Variants in IL4R observed in about 807,000 individuals in gnomAD.
IL4R encodes interleukin-4 receptor subunit alpha.
Under a neutral mutation model 41.5 loss-of-function variants are expected in IL4R, and 17 were observed. The observed-to-expected ratio is 0.41, with a 90% CI of 0.28 to 0.61. The LOEUF (loss-of-function observed/expected upper bound fraction) is 0.61, where lower values mean the gene tolerates loss of function less well. Among genes scored for constraint, IL4R ranks in the 20% least tolerant of loss-of-function variants. IL4R has a pLI of 0.31. For missense variants in IL4R, 974 were observed against 1,043.1 expected (o/e 0.93, Z 0.91); for synonymous variants, 402 against 422.9 (o/e 0.95, Z 0.61).
intron 8 of IL4R, among the ~76,000 whole-genome samples, chr16:27,356,974 T>A (rs2086102218): frequency 6.6e-6 from 1 of 152,100 alleles, no homozygotes; most frequent in Non-Finnish European, 1.5e-5. Flanking sequence ...GGAATCATGG[T>A]GTCTCAGAGC....
chr16:27,346,603 A>C lies in IL4R; in HGVS notation c.498A>C (p.Glu166Asp). The C allele has an allele frequency of 1.2e-6, 2 of 1,614,150 alleles. No individual in the cohort carries two copies. The highest frequency in any genetic ancestry group is 1.7e-6 in the Non-Finnish European group (2 of 1,180,030). The change falls in exon 6 of 11, where the codon GAA becomes GAC. Residue 166 changes from glutamate to aspartate, a missense_variant. Coordinates refer to ENST00000395762, the MANE Select transcript of IL4R (RefSeq NM_000418.4). ...CCTATGCAGTCAACATTTGGAGTGA[A>C]AACGACCCGGCAGATGTGAGTGGGC... ...HLTYAVNIWSENDPADFRIYN... is the reference protein window; with the variant it reads ...HLTYAVNIWSDNDPADFRIYN...
intron 9 of IL4R, 121 bp from the exon 10 acceptor site, chr16:27,360,645 T>G: frequency 8.6e-6 from 10 of 1,156,228 alleles, no homozygotes; most frequent in Non-Finnish European, 1.2e-5. Context: ...AAAGCGTAAG[T>G]GACCTGTTGG....
intron 1 of IL4R, among the ~76,000 whole-genome samples, chr16:27,328,205 C>CAAAAAA (rs779355998): frequency 4.3e-5 from 3 of 70,506 alleles, no homozygotes; most frequent in Admixed American, 3.6e-4. Flanking sequence ...GGCTCCATCT[C>CAAAAAA]AAAAAAAAAA....
At chr16:27,351,909 T>C (rs3024604) in intron 6 of IL4R, among the ~76,000 whole-genome samples, 12,218 of 152,272 alleles carry the variant, frequency 0.08, 566 homozygotes, top group Middle Eastern at 0.12. Context: ...TACTTAACAA[T>C]AGATCTTGGA....
At position 27,345,163 on chromosome 16, in the gene IL4R, C is replaced by A; in HGVS notation, c.361+143C>A. On this transcript the variant is annotated intron_variant, in intron 5 of 10. Coordinates refer to ENST00000395762, the MANE Select transcript of IL4R (RefSeq NM_000418.4). The surrounding 1 kb of genome is among the most constrained non-coding windows in gnomAD (Gnocchi z 4.5). ...GTATTTTCCCAAATCTGATGGGATT[C>A]CTGCCCCTGCCTGGGCCTCAGTCCT... is the stretch of plus-strand genomic sequence containing the variant. The A allele has an allele frequency of 1.1e-6, 1 of 896,792 alleles. No homozygotes were observed. The highest frequency in any genetic ancestry group is 1.8e-6 in the Non-Finnish European group (1 of 563,736). The allele number at this position is 896,792 out of a possible 1,614,324, so 55.6% of individuals were successfully genotyped here.
In IL4R at chr16:27,341,327, G is replaced by A. The variant is rs1424442072; in HGVS notation, c.71-794G>A. The A allele has an allele frequency of 1.2e-5, 7 of 604,378 alleles. No individual in the cohort carries two copies. The Admixed American group carries it at 2.0e-4, about 17-fold the overall frequency. The allele number at this position is 604,378 out of a possible 1,614,324, so 37.4% of individuals were successfully genotyped here. A position where few individuals can be genotyped will look rare whatever the true frequency, so the allele number is the denominator to read the frequency against. On this transcript the variant is annotated intron_variant, in intron 3 of 10. Transcript: ENST00000395762. ...CCAGAAGAGAAGGTACTTTGGGGAG[G>A]GGCGGGAATCAGGAGTTAGTTTTGG... is the stretch of plus-strand genomic sequence containing the variant.
chr16:27,324,034 G>A (rs904293521), intron 1 of IL4R, among the ~76,000 whole-genome samples: 3 of 152,194 alleles, frequency 2.0e-5, no homozygotes, highest in Admixed American at 2.0e-4. Context: ...ACCCAGTTGG[G>A]GAGGGGCGAA....
chr16:27,361,042 G>C (rs2086265492), intron 10 of IL4R: 2 of 1,423,632 alleles, frequency 1.4e-6, no homozygotes, highest in South Asian at 1.5e-5. Context: ...TACCCCTTGG[G>C]AGTGCTGTTA....
chr16:27,336,624 G>A (rs1378571813), intron 2 of IL4R, among the ~76,000 whole-genome samples: 2 of 148,460 alleles, frequency 1.3e-5, no homozygotes, highest in African/African-American at 2.5e-5. Flanking sequence ...GTTGCAGGGA[G>A]TCGAGGTTGT....
At chr16:27,332,900 C>A (rs2085153233) in intron 2 of IL4R, among the ~76,000 whole-genome samples, 2 of 151,826 alleles carry the variant, frequency 1.3e-5, no homozygotes, top group Admixed American at 1.3e-4. Context: ...TTTTTAGTTT[C>A]TCTTGTGATT....
At chr16:27,313,872 G>C, upstream of IL4R, 2 of 973,170 alleles carry the variant, frequency 2.1e-6, no homozygotes, top group Non-Finnish European at 2.4e-6. Context: ...CAAATCTGCC[G>C]GGCGCCGGGG....
At chr16:27,332,304 C>A (rs561615986) in intron 2 of IL4R, among the ~76,000 whole-genome samples, 28 of 152,156 alleles carry the variant, frequency 1.8e-4, no homozygotes, top group African/African-American at 6.3e-4. Context: ...CAAAGACATC[C>A]TTTTTCACAT....
intron 7 of IL4R, 120 bp downstream of exon 7, chr16:27,352,816 C>G (rs2085924644): frequency 9.9e-7 from 1 of 1,009,336 alleles, no homozygotes; most frequent in Non-Finnish European, 1.5e-6. Flanking sequence ...TAATGGCAAT[C>G]CTGCCATTAG....
chr16:27,362,189 G>A, intron 10 of IL4R, 63 bp from the exon 11 acceptor site: 2 of 1,544,148 alleles, frequency 1.3e-6, no homozygotes, highest in Non-Finnish European at 1.8e-6. Context: ...GCTGGGCTTT[G>A]AAGAATGAAT....
At chr16:27,344,212 G>A (rs2085538671) in intron 4 of IL4R, among the ~76,000 whole-genome samples, 1 of 151,978 alleles carries the variant, frequency 6.6e-6, no homozygotes, top group Admixed American at 6.6e-5. Flanking sequence ...GGCTGAGGCG[G>A]GAGAATTGCT....
At chr16:27,330,401 GAAAAGAAAAAGA>G (rs1351623759) in intron 2 of IL4R, among the ~76,000 whole-genome samples, 1 of 138,648 alleles carries the variant, frequency 7.2e-6, no homozygotes, top group Non-Finnish European at 1.6e-5. Flanking sequence ...AAAAAAAAAA[GAAAAGAAAAAGA>G]AAAAGAAATC....
intron 2 of IL4R, among the ~76,000 whole-genome samples, chr16:27,335,835 G>A (rs1005452381): frequency 3.2e-4 from 48 of 152,174 alleles, no homozygotes; most frequent in African/African-American, 1.1e-3. Context: ...GAATGATCTT[G>A]GATTGCATCC....
At chr16:27,338,013 A>G (rs1306383069) in intron 2 of IL4R, among the ~76,000 whole-genome samples, 2 of 146,702 alleles carry the variant, frequency 1.4e-5, no homozygotes, top group East Asian at 2.0e-4. Flanking sequence ...CTGGAGTGCA[A>G]TGGCATGGTC....
chr16:27,315,855 G>A (rs1157126252), intron 1 of IL4R, among the ~76,000 whole-genome samples: 1 of 152,174 alleles, frequency 6.6e-6, no homozygotes, highest in Non-Finnish European at 1.5e-5. Flanking sequence ...AGACGCTGGG[G>A]AGGCAGCAGG....
Sources: gnomAD v4.1 joint callset for allele counts (sites outside exome capture counted in the v4.1 genomes callset) on GRCh38, gnomAD v4.1.1 for gene constraint, Gnocchi (gnomAD v3.1) non-coding constraint, MANE v1.5 for transcripts, NCBI Gene and HGNC (gene_info 2026-07-23, HGNC 2026-07-21) for gene names.